The following ADGRG5 variants were observed in gnomAD, a reference collection of about 807,000 sequenced individuals.
The protein encoded by ADGRG5 is adhesion G protein-coupled receptor G5, also known as G protein-coupled receptor 114.
ADGRG5 carries 37 observed loss-of-function variants against 53.2 expected under a neutral mutation model. The ratio of observed to expected loss-of-function variants is 0.70; its 90% confidence interval spans 0.53 to 0.91. The LOEUF is 0.91. ADGRG5 is among the 40% of genes least tolerant of loss of function. The pLI is 0.00. For synonymous variants in ADGRG5, 277 were observed against 290.4 expected (o/e 0.95, Z 0.47); for missense variants, 614 against 675.8 (o/e 0.91, Z 1.01).
chr16:57,564,032 C>T (rs577106985), intron 5 of ADGRG5, 53 bp downstream of exon 5: 2 of 1,579,290 alleles, frequency 1.3e-6, no homozygotes, highest in Admixed American at 3.4e-5. Context: ...TCTTGGGATC[C>T]ACTGCAGGTG....
chr16:57,541,794 A>G (rs1178684033), upstream of ADGRG5, among the ~76,000 whole-genome samples: 1 of 152,106 alleles, frequency 6.6e-6, no homozygotes, highest in Admixed American at 6.5e-5. Flanking sequence ...TCCCCCACAC[A>G]CACCTCCTTG....
intron 9 of ADGRG5, among the ~76,000 whole-genome samples, chr16:57,568,699 T>A (rs1192538567): frequency 5.4e-5 from 7 of 128,918 alleles, no homozygotes; most frequent in African/African-American, 8.9e-5. Flanking sequence ...CTCCATCACC[T>A]CCATCATCAC....
the ADGRG5 span, among the ~76,000 whole-genome samples, chr16:57,531,357 C>A: frequency 6.6e-6 from 1 of 151,996 alleles, no homozygotes; most frequent in African/African-American, 2.4e-5. Context: ...TTTCCTCCCC[C>A]ACCCACCGCC....
At chr16:57,547,435 T>C (rs2032645384) in intron 1 of ADGRG5, among the ~76,000 whole-genome samples, 1 of 152,202 alleles carries the variant, frequency 6.6e-6, no homozygotes, top group African/African-American at 2.4e-5. Context: ...TGGCTTTGTT[T>C]TTTGTTTGTT....
chr16:57,548,681 T>G lies in ADGRG5; in HGVS notation c.-39+5980T>G, dbSNP rs183599508. The stretch of plus-strand genomic sequence containing the variant: ...ATTTTGTCATTTCAAGACTGTTAAA[T>G]AAATTGAATCACACAGCATGCAACA... On this transcript the variant is annotated intron_variant, in intron 1 of 11. Coordinates refer to ENST00000349457, the MANE Select transcript of ADGRG5 (RefSeq NM_001304376.3). Among the ~76,000 whole-genome samples the G allele has an allele frequency of 2.3e-3, 343 of 149,968 alleles. 2 individuals are homozygous for G. Among genetic ancestry groups the G allele is most frequent in the African/African-American group, 7.9e-3 (321 of 40,792 alleles).
At chr16:57,569,343 C>T (rs1438289857) in intron 9 of ADGRG5, among the ~76,000 whole-genome samples, 1 of 142,204 alleles carries the variant, frequency 7.0e-6, no homozygotes, top group East Asian at 1.9e-4. Flanking sequence ...CCACCACCTC[C>T]ACCTCCATCA....
Position 57,562,167 on chromosome 16 carries a change from C to T in ADGRG5, c.64+10C>T. ...CAGAATGCAACAACAGGTAAGGGGGCTCTGCTGAACTGGGGGCAGCCCTAG... is the reference window on the plus strand; with the variant it reads ...CAGAATGCAACAACAGGTAAGGGGGTTCTGCTGAACTGGGGGCAGCCCTAG... On this transcript the variant is annotated intron_variant, in intron 2 of 11. Coordinates refer to ENST00000349457, the MANE Select transcript of ADGRG5 (RefSeq NM_001304376.3). The T allele has an allele frequency of 4.4e-6, 7 of 1,592,832 alleles. No individual in the cohort carries two copies. The highest frequency in any genetic ancestry group is 6.0e-6 in the Non-Finnish European group (7 of 1,167,134).
chr16:57,549,861 T>C (rs561324106), intron 1 of ADGRG5, among the ~76,000 whole-genome samples: 3 of 152,382 alleles, frequency 2.0e-5, no homozygotes, highest in Non-Finnish European at 4.4e-5. Context: ...TACTTTGTAT[T>C]ACCATTTTAA....
In ADGRG5 at chr16:57,574,200, T is replaced by A. The variant is rs1223834593; in HGVS notation, c.1209-615T>A. ...GACCGGGGCTGGCTTCGGTTAGTTCTCCATGGCTCTCTGCTCAGCCCTCAG... is the reference window on the plus strand; with the variant it reads ...GACCGGGGCTGGCTTCGGTTAGTTCACCATGGCTCTCTGCTCAGCCCTCAG... On this transcript the variant is annotated intron_variant, in intron 10 of 11. Coordinates refer to ENST00000349457, the MANE Select transcript of ADGRG5 (RefSeq NM_001304376.3). The surrounding 1 kb of genome is among the most constrained non-coding windows in gnomAD (Gnocchi z 4.4). Among the ~76,000 whole-genome samples, 2 of 152,220 alleles carry A rather than the reference T, an allele frequency of 1.3e-5. No homozygotes were observed. The highest frequency in any genetic ancestry group is 4.8e-5 in the African/African-American group (2 of 41,458).
At chr16:57,568,753 A>G (rs1480373554) in intron 9 of ADGRG5, among the ~76,000 whole-genome samples, 1 of 140,692 alleles carries the variant, frequency 7.1e-6, no homozygotes, top group Non-Finnish European at 1.5e-5. Context: ...CATCACCTCC[A>G]TCACCACCAC....
At chr16:57,534,698 G>T in the ADGRG5 span, among the ~76,000 whole-genome samples, 2 of 152,158 alleles carry the variant, frequency 1.3e-5, no homozygotes, top group African/African-American at 4.8e-5. Flanking sequence ...CACTCTTAGG[G>T]GTACCCTTGT....
In ADGRG5 at chr16:57,563,885, A is replaced by G. The variant is rs748823110; in HGVS notation, c.335A>G (p.Gln112Arg). ...CATGCCCGGGGTCAGCACGCCATGCAGTTCCCCGCCGAGCTGACCCGGGAC... is the reference window on the plus strand; with the variant it reads ...CATGCCCGGGGTCAGCACGCCATGCGGTTCCCCGCCGAGCTGACCCGGGAC... ...GQHARGQHAM[Q>R]FPAELTRDAC... Residue 112 changes from glutamine to arginine, a missense_variant, in exon 5 of 12, where the codon CAG becomes CGG. Coordinates refer to ENST00000349457, the MANE Select transcript of ADGRG5 (RefSeq NM_001304376.3). The G allele has an allele frequency of 1.9e-6, 3 of 1,613,892 alleles. No homozygotes were observed. The highest frequency in any genetic ancestry group is 1.1e-5 in the South Asian group (1 of 91,066).
chr16:57,543,634 C>T (rs1271445428), intron 1 of ADGRG5, among the ~76,000 whole-genome samples: 1 of 152,084 alleles, frequency 6.6e-6, no homozygotes, highest in Non-Finnish European at 1.5e-5. Context: ...TCACCCAGGC[C>T]AGGGGCAGGG....
At chr16:57,541,974 AG>A (rs36117143), upstream of ADGRG5, among the ~76,000 whole-genome samples, 42,169 of 152,190 alleles carry the variant, frequency 0.28, 6,060 homozygotes, top group East Asian at 0.43. Context: ...GGCCAGGCCC[AG>A]GTCCTCTCTG....
the ADGRG5 span, among the ~76,000 whole-genome samples, chr16:57,534,743 A>C: frequency 6.6e-6 from 1 of 152,170 alleles, no homozygotes; most frequent in Non-Finnish European, 1.5e-5. Context: ...GAGTCATCCT[A>C]AAGATCAGGA....
At chr16:57,552,756 C>T (rs1408465691) in intron 1 of ADGRG5, among the ~76,000 whole-genome samples, 1 of 152,166 alleles carries the variant, frequency 6.6e-6, no homozygotes, top group African/African-American at 2.4e-5. Context: ...GTGAACTGTT[C>T]GGTGCAGGAT....
In ADGRG5 at chr16:57,562,150, A is replaced by C; in HGVS notation, c.57A>C (p.Ala19=). The C allele has an allele frequency of 6.2e-7, 1 of 1,601,668 alleles. No homozygotes were observed. Among genetic ancestry groups the C allele is most frequent in the Non-Finnish European group, 8.5e-7 (1 of 1,171,414 alleles). The part of the protein sequence containing the change: ...LCLCLLTLQN[A]TTETWEELLS... ...TGTGCCTTCTGACTTTGCAGAATGC[A>C]ACAACAGGTAAGGGGGCTCTGCTGA... The change falls in exon 2 of 12, where the codon GCA becomes GCC. Residue 19 remains alanine (A), a synonymous_variant. Coordinates refer to ENST00000349457, the MANE Select transcript of ADGRG5 (RefSeq NM_001304376.3).
At chr16:57,541,237 G>A (rs930143953), upstream of ADGRG5, among the ~76,000 whole-genome samples, 5 of 152,334 alleles carry the variant, frequency 3.3e-5, no homozygotes, top group Admixed American at 2.6e-4. Context: ...GGGCTATGGG[G>A]TAGGCAGGGC....
chr16:57,539,961 C>T (rs142818816), upstream of ADGRG5, among the ~76,000 whole-genome samples: 174 of 152,228 alleles, frequency 1.1e-3, 1 homozygote, highest in African/African-American at 3.9e-3. Flanking sequence ...TAGCCCTCGG[C>T]GGGGCACAGT....
Sources: gnomAD v4.1 joint callset for allele counts (sites outside exome capture counted in the v4.1 genomes callset) on GRCh38, gnomAD v4.1.1 for gene constraint, Gnocchi (gnomAD v3.1) non-coding constraint, MANE v1.5 for transcripts, NCBI Gene and HGNC (gene_info 2026-07-23, HGNC 2026-07-21) for gene names.